Variants in TRPM5 observed in about 807,000 individuals in gnomAD.
TRPM5 encodes the protein MLSN1 and TRP-related.
TRPM5 carries 121 observed loss-of-function variants against 124.9 expected under a neutral mutation model. That is an observed-to-expected ratio of 0.97 (90% CI 0.84 to 1.13). The LOEUF (loss-of-function observed/expected upper bound fraction) is 1.13, where lower values mean the gene tolerates loss of function less well. Among genes scored for constraint, TRPM5 ranks in the 50% most tolerant of loss-of-function variants. The pLI is 0.00. For missense variants in TRPM5, 1,643 were observed against 1,589.1 expected, an observed-to-expected ratio of 1.03 and a Z score of -0.58; for synonymous variants, 781 against 700.5, an observed-to-expected ratio of 1.11 and a Z score of -1.81.
chr11:2,425,460 G>T (rs1166103623), upstream of TRPM5, among the ~76,000 whole-genome samples: 1 of 152,184 alleles, frequency 6.6e-6, no homozygotes, highest in Admixed American at 6.5e-5. Flanking sequence ...CCCCAGCGTG[G>T]CTTCATCTTC....
In TRPM5 at chr11:2,407,750, T is replaced by A; in HGVS notation, c.2936+9A>T. 1 of 1,612,776 alleles carries A rather than the reference T, an allele frequency of 6.2e-7. No individual in the cohort carries two copies. Among genetic ancestry groups the A allele is most frequent in the Non-Finnish European group, 8.5e-7 (1 of 1,179,594 alleles). On this transcript the variant is annotated intron_variant, in intron 19 of 23. Coordinates refer to ENST00000155858, the Ensembl canonical transcript of TRPM5. ...AGGGCTCTCTCCTCCAGGGGTTGGG[T>A]GGAGTCACCTGAACATGGCGATGAG...
exon 2 of TRPM5, chr11:2,422,225 C>G: frequency 6.2e-7 from 1 of 1,612,510 alleles, no homozygotes; most frequent in African/African-American, 1.3e-5. Context: ...TCCTCACCCA[C>G]CAGGGACACC....
At chr11:2,417,365 G>A (rs976416458) in intron 7 of TRPM5, among the ~76,000 whole-genome samples, 1 of 152,168 alleles carries the variant, frequency 6.6e-6, no homozygotes, top group South Asian at 2.1e-4. Flanking sequence ...TGAGGCAGGA[G>A]AATCACTTCA....
Position 2,414,712 on chromosome 11 carries a change from C to A in TRPM5, c.1744+3G>T, listed in dbSNP as rs747220869. On this transcript the variant is annotated splice_donor_region_variant and intron_variant, in intron 11 of 23. Transcript: ENST00000155858. ...GGCCCGGCCCCAGCCGCCGGTCACT[C>A]ACCAAGGGCCAGCCGCTCGTATTTC... is the stretch of plus-strand genomic sequence containing the variant. 1 of 1,534,966 alleles carries A rather than the reference C, an allele frequency of 6.5e-7. No individual in the cohort carries two copies. Among genetic ancestry groups the A allele is most frequent in the South Asian group, 1.2e-5 (1 of 83,524 alleles).
At position 2,415,061 on chromosome 11, in the gene TRPM5, G is replaced by T. The variant is rs956755601; in HGVS notation, c.1480-14C>A. The T allele has an allele frequency of 2.1e-5, 33 of 1,596,156 alleles. No individual in the cohort carries two copies. Among genetic ancestry groups the T allele is most frequent in the Non-Finnish European group, 2.7e-5 (32 of 1,177,096 alleles). On this transcript the variant is annotated splice_polypyrimidine_tract_variant and intron_variant, in intron 9 of 23. Transcript: ENST00000155858. ...CGGGCCCTTCTCCTGGAGGACACGGGCGTCGGCCTCCTGCTGCGGCCCCAG... is the reference window on the plus strand; with the variant it reads ...CGGGCCCTTCTCCTGGAGGACACGGTCGTCGGCCTCCTGCTGCGGCCCCAG...
chr11:2,427,718 C>T (rs1054345402), upstream of TRPM5, among the ~76,000 whole-genome samples: 3 of 152,358 alleles, frequency 2.0e-5, no homozygotes, highest in South Asian at 2.1e-4. Flanking sequence ...CGATGTCTGG[C>T]GGGGTGGCCC....
chr11:2,408,631 A>G (rs1348610859), intron 18 of TRPM5, among the ~76,000 whole-genome samples: 3 of 152,094 alleles, frequency 2.0e-5, no homozygotes, highest in African/African-American at 7.2e-5. Flanking sequence ...CAGTCCCTTA[A>G]AACCAGACCC....
At chr11:2,417,041 C>T (rs984440168) in intron 7 of TRPM5, among the ~76,000 whole-genome samples, 1 of 152,162 alleles carries the variant, frequency 6.6e-6, no homozygotes, top group African/African-American at 2.4e-5. Context: ...ATCGATGGTT[C>T]CCAGGGGCTG....
At chr11:2,428,794 G>A in the TRPM5 span, among the ~76,000 whole-genome samples, 1 of 152,036 alleles carries the variant, frequency 6.6e-6, no homozygotes, top group Non-Finnish European at 1.5e-5. This position sits in a 1 kb window ranked among gnomAD's most constrained non-coding sequence, Gnocchi z 4.0. Flanking sequence ...TGACGAAGGT[G>A]GTGGTGGTGA....
intron 18 of TRPM5, 33 bp from the exon 24 acceptor site, chr11:2,407,945 G>A (rs201194310): frequency 5.2e-5 from 84 of 1,606,154 alleles, no homozygotes; most frequent in Middle Eastern, 3.7e-4. Flanking sequence ...GGACCAGACC[G>A]GGGGCAGCCA....
intron 18 of TRPM5, among the ~76,000 whole-genome samples, chr11:2,409,275 C>T (rs1231314690): frequency 6.6e-6 from 1 of 152,138 alleles, no homozygotes; most frequent in Non-Finnish European, 1.5e-5. Flanking sequence ...CCTGGGCAGA[C>T]TGATGACCCC....
intron 4 of TRPM5, among the ~76,000 whole-genome samples, chr11:2,419,850 C>T (rs1024838570): frequency 2.6e-5 from 4 of 152,228 alleles, no homozygotes; most frequent in East Asian, 3.8e-4. Context: ...GCATACCTCA[C>T]GCCTGGCGGC....
exon 12 of TRPM5, chr11:2,414,130 G>A (rs749074479): frequency 4.3e-5 from 69 of 1,604,742 alleles, no homozygotes; most frequent in Admixed American, 1.0e-4. Context: ...AGGTGGTCTT[G>A]CTCCAGCAGC....
chr11:2,410,398 G>A (rs1317906469), intron 18 of TRPM5, among the ~76,000 whole-genome samples: 2 of 149,420 alleles, frequency 1.3e-5, no homozygotes, highest in African/African-American at 2.5e-5. Context: ...GCCCCGTGCC[G>A]GGCAGCCCCA....
At chr11:2,418,215 G>A (rs1395063871) in exon 6 of TRPM5, 14 of 1,585,076 alleles carry the variant, frequency 8.8e-6, no homozygotes, top group South Asian at 2.3e-5. Context: ...GCTTGCTGGG[G>A]AACTTCTCCT....
chr11:2,414,151 C>T (rs1850516951), exon 12 of TRPM5: 2 of 1,609,156 alleles, frequency 1.2e-6, no homozygotes, highest in Non-Finnish European at 1.7e-6. Context: ...GGTTCCGGCG[C>T]ACCAGCAGGG....
At chr11:2,405,871 A>T in intron 22 of TRPM5, 148 bp downstream of exon 27, 1 of 762,260 alleles carries the variant, frequency 1.3e-6, no homozygotes, top group Non-Finnish European at 2.2e-6. Flanking sequence ...TCTTCCCCAG[A>T]ACGCTCCTCT....
chr11:2,419,448 GAA>G (rs57385993), intron 4 of TRPM5, among the ~76,000 whole-genome samples: 2,356 of 137,400 alleles, frequency 0.017, 21 homozygotes, highest in Non-Finnish European at 0.024. Flanking sequence ...TCTCTACTGG[GAA>G]AAAAAAAAAA....
the TRPM5 span, among the ~76,000 whole-genome samples, chr11:2,428,951 GGA>G: frequency 1.7e-4 from 25 of 151,046 alleles, no homozygotes; most frequent in African/African-American, 4.6e-4. The surrounding 1 kb of genome is among the most constrained non-coding windows in gnomAD (Gnocchi z 4.0). Context: ...AATAATCATG[GGA>G]TGATGATAGT....
Sources: gnomAD v4.1 joint callset for allele counts (sites outside exome capture counted in the v4.1 genomes callset) on GRCh38, gnomAD v4.1.1 for gene constraint, Gnocchi (gnomAD v3.1) non-coding constraint, MANE v1.5 for transcripts, NCBI Gene and HGNC (gene_info 2026-07-23, HGNC 2026-07-21) for gene names.